C15orf39: variants seen among roughly 807,000 people sequenced by gnomAD.
C15orf39 encodes the protein uncharacterized protein C15orf39.
In C15orf39, 24 loss-of-function variants were observed where a neutral mutation model predicts 53.9. The observed-to-expected ratio is 0.45, with a 90% CI of 0.32 to 0.63. C15orf39 has a LOEUF of 0.63. Among genes scored for constraint, C15orf39 ranks in the 20% least tolerant of loss-of-function variants. The pLI, the probability that C15orf39 is intolerant of heterozygous loss-of-function variation, is 0.04. For synonymous variants in C15orf39, 569 were observed against 576.5 expected (o/e 0.99, Z 0.19); for missense variants, 1,271 against 1,347.9 (o/e 0.94, Z 0.89).
chr15:75,205,871 C>T (rs2070433636), intron 1 of C15orf39, 128 bp from the exon 2 acceptor site: 1 of 659,802 alleles, frequency 1.5e-6, no homozygotes, highest in East Asian at 2.8e-5. Flanking sequence ...CACTCACAGT[C>T]TTAACTGAGC....
Position 75,206,029 on chromosome 15 carries a change from G to A in C15orf39, c.-20G>A. The A allele has an allele frequency of 1.9e-6, 3 of 1,559,490 alleles. No individual in the cohort carries two copies. The highest frequency in any genetic ancestry group is 2.6e-6 in the Non-Finnish European group (3 of 1,152,622). ...AAGTTGAGTAGCAGGGGCCTAGGAG[G>A]GCTCGAAGCCTTCACAGCGATGGCA... On this transcript the variant is annotated 5_prime_UTR_variant, in exon 2 of 3. Coordinates refer to ENST00000394987, the MANE Select transcript of C15orf39 (RefSeq NM_015492.5).
chr15:75,208,760 G>A lies in C15orf39; in HGVS notation c.2712G>A (p.Gln904=), dbSNP rs761991024. 1 of 1,607,696 alleles carries A rather than the reference G, an allele frequency of 6.2e-7. No individual in the cohort carries two copies. Among genetic ancestry groups the A allele is most frequent in the Admixed American group, 1.7e-5 (1 of 59,988 alleles). Residue 904 remains glutamine (Q), a synonymous_variant, in exon 2 of 3, where the codon CAG becomes CAA. Coordinates refer to ENST00000394987, the MANE Select transcript of C15orf39 (RefSeq NM_015492.5). ...SRMLKLLALR[Q]LPDIYPDLLG... is the part of the protein sequence containing the mutation. The stretch of plus-strand genomic sequence containing the variant: ...TGCTGAAGTTACTGGCGCTGCGCCA[G>A]CTGCCGGACATTTACCCCGACCTTC...
At position 75,207,570 on chromosome 15, in the gene C15orf39, A is replaced by T; in HGVS notation, c.1522A>T (p.Ser508Cys). Residue 508 changes from serine to cysteine, a missense_variant, in exon 2 of 3, where the codon AGC (serine) becomes TGC (cysteine). Around this residue, in one of 2 missense-constraint regions of C15orf39, gnomAD observed 994 missense variants for 993.7 expected, o/e 1.00. Transcript: ENST00000394987. ...AATGCCTGTCATTGACAATGTCTTC[A>T]GCCTGGCCCCCTACCGTGACTATCT... ...PPMPVIDNVF[S>C]LAPYRDYLDV... 6.2e-7 allele frequency: 1 copy of T among 1,613,550 alleles called. No homozygotes were observed.
At chr15:75,203,891 A>G (rs1834111196) in intron 1 of C15orf39, among the ~76,000 whole-genome samples, 2 of 152,190 alleles carry the variant, frequency 1.3e-5, no homozygotes, top group South Asian at 4.1e-4. Flanking sequence ...GCAGGTTTCT[A>G]TCATAGGACA....
chr15:75,199,621 C>T (rs1163180464), upstream of C15orf39, among the ~76,000 whole-genome samples: 2 of 152,140 alleles, frequency 1.3e-5, no homozygotes, highest in African/African-American at 4.8e-5. Context: ...CAGGATCTGA[C>T]CTTTTACCTT....
At chr15:75,200,753 C>T (rs2070395687), upstream of C15orf39, among the ~76,000 whole-genome samples, 1 of 152,116 alleles carries the variant, frequency 6.6e-6, no homozygotes, top group Non-Finnish European at 1.5e-5. Context: ...GAGTGTCTCT[C>T]CCTATATGGT....
Position 75,208,537 on chromosome 15 carries a change from G to C in C15orf39, c.2489G>C (p.Arg830Pro). ...SQLQRFDRTH[R>P]CPFPHVVRAG... ...CTGCAGCGCTTCGATCGCACCCACCGGTGCCCCTTCCCCCATGTGGTGCGA... is the reference window on the plus strand; with the variant it reads ...CTGCAGCGCTTCGATCGCACCCACCCGTGCCCCTTCCCCCATGTGGTGCGA... The change falls in exon 2 of 3, where the codon CGG (arginine) becomes CCG (proline). Residue 830 changes from arginine (R) to proline (P), a missense_variant. Physicochemically the swap from Arg to Pro is moderately radical, Grantham distance 103. Coordinates refer to ENST00000394987, the MANE Select transcript of C15orf39 (RefSeq NM_015492.5). The C allele has an allele frequency of 6.3e-7, 1 of 1,574,948 alleles. No homozygotes were observed. Among genetic ancestry groups the C allele is most frequent in the Non-Finnish European group, 8.6e-7 (1 of 1,161,856 alleles).
chr15:75,211,202 G>C lies in C15orf39; in HGVS notation c.*86G>C. On this transcript the variant is annotated 3_prime_UTR_variant, in exon 3 of 3. Transcript: ENST00000394987. ...AGCTGCCCCGGGGCCACGAGTGGAT[G>C]CTGGGGCTGTGGCTGCTCCCCTGGA... 6.7e-7 allele frequency: 1 copy of C among 1,495,200 alleles called. No individual in the cohort carries two copies. The highest frequency in any genetic ancestry group is 8.9e-7 in the Non-Finnish European group (1 of 1,122,470). 92.6% of individuals were successfully genotyped at this position (1,495,200 alleles called of 1,614,324 possible).
Position 75,210,823 on chromosome 15 carries a change from G to T in C15orf39, c.2851G>T (p.Ala951Ser). ...GGCCAGAGGTGAGCCAGAGAGCCTA[G>T]CCCTGGCTCAGAAGTCACCGGCCCC... ...TVARGEPESLALAQKSPAPKV... is the reference protein window; with the variant it reads ...TVARGEPESLSLAQKSPAPKV... The change falls in exon 3 of 3, where the codon GCC (alanine) becomes TCC (serine). Residue 951 changes from alanine to serine, a missense_variant. Around this residue, in one of 2 missense-constraint regions of C15orf39, gnomAD observed 277 missense variants for 354.1 expected, o/e 0.78. Transcript: ENST00000394987. 6.2e-7 allele frequency: 1 copy of T among 1,613,910 alleles called. No homozygotes were observed. Among genetic ancestry groups the T allele is most frequent in the Non-Finnish European group, 8.5e-7 (1 of 1,180,010 alleles).
Position 75,212,143 on chromosome 15 carries a change from A to G in C15orf39, c.*1027A>G, listed in dbSNP as rs1360891763. On this transcript the variant is annotated 3_prime_UTR_variant, in exon 3 of 3. Coordinates refer to ENST00000394987, the MANE Select transcript of C15orf39 (RefSeq NM_015492.5). ...AGCCGATGGGCCCTGGAGGCAGCCC[A>G]TTAAAGCATCTGGCTCGTTTTTGGA... The G allele has an allele frequency of 6.6e-6, 1 of 152,312 alleles. No homozygotes were observed. Among genetic ancestry groups the G allele is most frequent in the Non-Finnish European group, 1.5e-5 (1 of 68,136 alleles). 9.4% of individuals were successfully genotyped at this position (152,312 alleles called of 1,614,324 possible).
At chr15:75,210,379 G>A (rs1342693152) in intron 2 of C15orf39, among the ~76,000 whole-genome samples, 1 of 152,178 alleles carries the variant, frequency 6.6e-6, no homozygotes, top group African/African-American at 2.4e-5. Context: ...TCTGGGGCTG[G>A]TATGGCAGAA....
rs1445248869 is a variant in C15orf39 at position 75,206,120 on chromosome 15, C to G, written c.72C>G (p.Asp24Glu). 6.2e-7 allele frequency: 1 copy of G among 1,613,842 alleles called. No individual in the cohort carries two copies. Among genetic ancestry groups the G allele is most frequent in the East Asian group, 2.2e-5 (1 of 44,876 alleles). The change falls in exon 2 of 3, where the codon GAC (aspartate) becomes GAG (glutamate). Residue 24 changes from aspartate (D) to glutamate (E), a missense_variant. Transcript: ENST00000394987. ...MYGKLPRLET[D>E]SGLEHSLPHS... The stretch of plus-strand genomic sequence containing the variant: ...GCAAGCTGCCCCGCTTAGAGACAGA[C>G]TCCGGGCTCGAGCACAGCCTGCCCC...
chr15:75,204,800 G>T (rs745625092), intron 1 of C15orf39, among the ~76,000 whole-genome samples: 1 of 152,086 alleles, frequency 6.6e-6, no homozygotes, highest in Non-Finnish European at 1.5e-5. Flanking sequence ...GTGAGCCACA[G>T]CACCTAGCCA....
At chr15:75,202,852 G>C (rs968675909) in intron 1 of C15orf39, among the ~76,000 whole-genome samples, 5 of 152,244 alleles carry the variant, frequency 3.3e-5, no homozygotes, top group Admixed American at 6.5e-5. Context: ...CGGCGCCGCC[G>C]GGAGGGGCTT....
Position 75,211,581 on chromosome 15 carries a change from T to C in C15orf39, c.*465T>C, listed in dbSNP as rs1443220648. 1 of 157,004 alleles carries C rather than the reference T, an allele frequency of 6.4e-6. No homozygotes were observed. The highest frequency in any genetic ancestry group is 6.4e-5 in the Admixed American group (1 of 15,564). 9.7% of individuals were successfully genotyped at this position (157,004 alleles called of 1,614,324 possible). A position where few individuals can be genotyped will look rare whatever the true frequency, so the allele number is the denominator to read the frequency against. Reference sequence around the variant, plus strand: ...GAATTGGAGGCAGAGAACCTTCCTATAGAAAGTCTTCGTGTGTCCTAGGAC... The same window carrying C: ...GAATTGGAGGCAGAGAACCTTCCTACAGAAAGTCTTCGTGTGTCCTAGGAC... On this transcript the variant is annotated 3_prime_UTR_variant, in exon 3 of 3. Transcript: ENST00000394987.
rs769727621 is a variant in C15orf39 at position 75,208,100 on chromosome 15, C to G, written c.2052C>G (p.Pro684=). 3 of 1,614,036 alleles carry G rather than the reference C, an allele frequency of 1.9e-6. No homozygotes were observed. The highest frequency in any genetic ancestry group is 3.3e-5 in the Admixed American group (2 of 60,012). The change falls in exon 2 of 3, where the codon CCC becomes CCG. Residue 684 remains proline (P), a synonymous_variant. Coordinates refer to ENST00000394987, the MANE Select transcript of C15orf39 (RefSeq NM_015492.5). ...CTCCCACACAGCCTGCACCCACCCC[C>G]ACATCTGGGCCCATTGGACTGCGGA... ...APAPTQPAPT[P]TSGPIGLRIL... is the part of the protein sequence containing the mutation.
Position 75,207,600 on chromosome 15 carries a change from G to A in C15orf39, c.1552G>A (p.Val518Met), listed in dbSNP as rs1309745326. 1 of 1,611,860 alleles carries A rather than the reference G, an allele frequency of 6.2e-7. No homozygotes were observed. Residue 518 changes from valine (V) to methionine (M), a missense_variant, in exon 2 of 3, where the codon GTG becomes ATG. By Grantham distance (21) the Val-to-Met change is conservative. Coordinates refer to ENST00000394987, the MANE Select transcript of C15orf39 (RefSeq NM_015492.5). The part of the protein sequence containing the change: ...SLAPYRDYLD[V>M]PAPEATTEPD... ...GGCCCCCTACCGTGACTATCTGGAT[G>A]TGCCGGCACCCGAGGCCACAACTGA...
Position 75,207,113 on chromosome 15 carries a change from A to G in C15orf39, c.1065A>G (p.Pro355=). The change falls in exon 2 of 3, where the codon CCA becomes CCG. Residue 355 remains proline, a synonymous_variant. Coordinates refer to ENST00000394987, the MANE Select transcript of C15orf39 (RefSeq NM_015492.5). ...YPSAPLPAPS[P]GLKLEPPLTP... The stretch of plus-strand genomic sequence containing the variant: ...CTGCCCCTCTCCCAGCACCCTCTCC[A>G]GGCCTCAAGCTGGAGCCGCCTCTCA... 1.2e-6 allele frequency: 2 copies of G among 1,613,144 alleles called. No individual in the cohort carries two copies. Among genetic ancestry groups the G allele is most frequent in the Admixed American group, 1.7e-5 (1 of 59,976 alleles).
chr15:75,206,428 T>G lies in C15orf39; in HGVS notation c.380T>G (p.Leu127Arg). 6.2e-7 allele frequency: 1 copy of G among 1,613,948 alleles called. No homozygotes were observed. Among genetic ancestry groups the G allele is most frequent in the Non-Finnish European group, 8.5e-7 (1 of 1,179,922 alleles). The change falls in exon 2 of 3, where the codon CTG (leucine) becomes CGG (arginine). Residue 127 changes from leucine to arginine, a missense_variant. By Grantham distance (102) the Leu-to-Arg change is moderately radical. Transcript: ENST00000394987. ...PQAHSYPGPP[L>R]AAPKPVYRNP... ...GCTCACTCCTACCCAGGCCCACCAC[T>G]GGCAGCACCCAAACCTGTCTACCGC...
Sources: gnomAD v4.1 joint callset for allele counts (sites outside exome capture counted in the v4.1 genomes callset) on GRCh38, gnomAD v4.1.1 for gene constraint, gnomAD v4.1.1 regional missense constraint, MANE v1.5 for transcripts, NCBI Gene and HGNC (gene_info 2026-07-23, HGNC 2026-07-21) for gene names.